DOCK2: variants seen among roughly 807,000 people sequenced by gnomAD.
DOCK2 encodes the protein dedicator of cytokinesis protein 2.
A neutral mutation model predicts 248.9 loss-of-function variants in DOCK2; 87 were observed. That is an observed-to-expected ratio of 0.35 (90% CI 0.29 to 0.42). The LOEUF (loss-of-function observed/expected upper bound fraction) is 0.42. Among genes scored for constraint, DOCK2 ranks in the 10% least tolerant of loss-of-function variants. The pLI, the probability that DOCK2 is intolerant of heterozygous loss-of-function variation, is 1.00. For synonymous variants in DOCK2, 805 were observed against 821.6 expected, an observed-to-expected ratio of 0.98 and a Z score of 0.35; for missense variants, 1,747 against 2,300.2, an observed-to-expected ratio of 0.76 and a Z score of 4.92.
intron 7 of DOCK2, 48 bp downstream of exon 7, chr5:169,681,927 A>G (rs1759691313): frequency 1.9e-6 from 3 of 1,600,490 alleles, no homozygotes; most frequent in Non-Finnish European, 2.6e-6. Context: ...ATCATTTAGC[A>G]CATCATAAAC....
intron 27 of DOCK2, among the ~76,000 whole-genome samples, chr5:169,980,905 A>T (rs77234896): frequency 0.014 from 2,057 of 152,172 alleles, 44 homozygotes; most frequent in African/African-American, 0.045. Context: ...ATCATCAGCC[A>T]TTGTCCCTGA....
At chr5:170,019,260 A>G in intron 33 of DOCK2, 152 bp downstream of exon 33, 1 of 1,235,584 alleles carries the variant, frequency 8.1e-7, no homozygotes, top group South Asian at 1.5e-5. Flanking sequence ...GAGCTGGCAG[A>G]TCAGATTTGG....
At chr5:169,647,305 G>A (rs903230105) in intron 1 of DOCK2, among the ~76,000 whole-genome samples, 3 of 152,128 alleles carry the variant, frequency 2.0e-5, no homozygotes, top group African/African-American at 7.2e-5. Context: ...TTAGATGGAT[G>A]GGTGGGTAGA....
At chr5:169,917,757 A>T (rs1450873726) in intron 27 of DOCK2, among the ~76,000 whole-genome samples, 1 of 152,202 alleles carries the variant, frequency 6.6e-6, no homozygotes, top group Non-Finnish European at 1.5e-5. Flanking sequence ...ACACTCAGAA[A>T]GGGATTTTTT....
chr5:169,802,363 C>T (rs895757439), intron 25 of DOCK2, among the ~76,000 whole-genome samples: 10 of 152,072 alleles, frequency 6.6e-5, no homozygotes, highest in Non-Finnish European at 1.0e-4. Flanking sequence ...GTTTTCGCCA[C>T]GTTGGCCATG....
chr5:169,954,483 A>G (rs2113732066), intron 27 of DOCK2, among the ~76,000 whole-genome samples: 2 of 152,376 alleles, frequency 1.3e-5, no homozygotes, highest in East Asian at 3.9e-4. Flanking sequence ...GAAGGCAGTC[A>G]GGCAGGGACC....
At chr5:169,928,397 C>T (rs367890895) in intron 27 of DOCK2, among the ~76,000 whole-genome samples, 36 of 152,366 alleles carry the variant, frequency 2.4e-4, no homozygotes, top group African/African-American at 8.4e-4. Flanking sequence ...CACTGCTCTG[C>T]CCCAGAATGC....
intron 1 of DOCK2, 86 bp from the exon 2 acceptor site, chr5:169,654,317 T>C (rs1303910776): frequency 6.7e-7 from 1 of 1,489,678 alleles, no homozygotes; most frequent in Non-Finnish European, 9.3e-7. Context: ...GGGCATGGGA[T>C]GGACTTGAGG....
intron 25 of DOCK2, among the ~76,000 whole-genome samples, chr5:169,784,463 C>A (rs1259504007): frequency 6.6e-6 from 1 of 152,138 alleles, no homozygotes; most frequent in Non-Finnish European, 1.5e-5. Flanking sequence ...AGTTAGGAAT[C>A]CAGATTTTAG....
At chr5:170,053,083 GCC>G (rs1756974847) in intron 41 of DOCK2, among the ~76,000 whole-genome samples, 1 of 152,220 alleles carries the variant, frequency 6.6e-6, no homozygotes, top group South Asian at 2.1e-4. Context: ...GTCTGCAGTT[GCC>G]CAGCCCTCTG....
chr5:169,656,522 A>G, intron 2 of DOCK2, among the ~76,000 whole-genome samples: 1 of 152,102 alleles, frequency 6.6e-6, no homozygotes, highest in African/African-American at 2.4e-5. Context: ...CATGTTGGCC[A>G]GGCTGGTCTC....
rs191287977 is a variant in DOCK2 at position 170,031,441 on chromosome 5, G to A, written c.3468-2958G>A. Among the ~76,000 whole-genome samples the A allele has an allele frequency of 1.9e-3, 283 of 152,296 alleles. 9 individuals carry two copies. The South Asian group carries it at 0.052, about 28-fold the overall frequency. On this transcript the variant is annotated intron_variant, in intron 34 of 51. Transcript: ENST00000520908. The stretch of plus-strand genomic sequence containing the variant: ...CTCCCACAACAGGAGCAGAAGCAGT[G>A]TGGCAAGTGTCCACCACCCTTCATT...
At chr5:169,734,737 T>G (rs923474354) in intron 22 of DOCK2, among the ~76,000 whole-genome samples, 1 of 152,226 alleles carries the variant, frequency 6.6e-6, no homozygotes. Context: ...TTTCCTTTTG[T>G]GCAATAGGTT....
Position 170,055,293 on chromosome 5 carries a change from C to T in DOCK2, c.4214-12C>T. ...GCCAACAGATATAAGTCCTTAACTA[C>T]AGGGATTCCAGATATCCAGTGCTTC... On this transcript the variant is annotated splice_polypyrimidine_tract_variant and intron_variant, in intron 41 of 51. Transcript: ENST00000520908. The T allele has an allele frequency of 6.2e-7, 1 of 1,613,754 alleles. No homozygotes were observed. The highest frequency in any genetic ancestry group is 8.5e-7 in the Non-Finnish European group (1 of 1,179,640).
intron 33 of DOCK2, among the ~76,000 whole-genome samples, chr5:170,024,357 CTT>C (rs35718164): frequency 3.0e-5 from 3 of 100,740 alleles, no homozygotes; most frequent in Admixed American, 1.1e-4. Flanking sequence ...TTGGGAGAGC[CTT>C]TTTTTTTTTT....
intron 27 of DOCK2, among the ~76,000 whole-genome samples, chr5:169,964,547 G>A (rs979114810): frequency 7.2e-5 from 11 of 152,350 alleles, no homozygotes; most frequent in Admixed American, 3.3e-4. Context: ...CAGCATCTCC[G>A]CCTGGAGGGC....
chr5:169,745,536 A>T (rs1162412231), intron 22 of DOCK2, among the ~76,000 whole-genome samples: 1 of 152,164 alleles, frequency 6.6e-6, no homozygotes, highest in Non-Finnish European at 1.5e-5. Context: ...AGAGCAAAGC[A>T]GTGTGCAAAG....
At chr5:169,798,714 G>A (rs932668863) in intron 25 of DOCK2, among the ~76,000 whole-genome samples, 2 of 152,102 alleles carry the variant, frequency 1.3e-5, no homozygotes, top group Non-Finnish European at 1.5e-5. Context: ...TTAACCCTTG[G>A]TCATTCCTTT....
In DOCK2 at chr5:169,998,389, T is replaced by C. The variant is rs138000136; in HGVS notation, c.3072+2225T>C. Among the ~76,000 whole-genome samples the C allele has an allele frequency of 3.3e-5, 5 of 152,304 alleles. No homozygotes were observed. In the East Asian group the frequency reaches 9.7e-4, roughly 29 times the overall value. ...AGTAGATGAGTATTTGCTGAGAGGA[T>C]GAACAGGATCTTTGAACAAGAGTCT... On this transcript the variant is annotated intron_variant, in intron 30 of 51. Coordinates refer to ENST00000520908, the MANE Select transcript of DOCK2 (RefSeq NM_004946.3).
Sources: gnomAD v4.1 joint callset for allele counts (sites outside exome capture counted in the v4.1 genomes callset) on GRCh38, gnomAD v4.1.1 for gene constraint, MANE v1.5 for transcripts, NCBI Gene and HGNC (gene_info 2026-07-23, HGNC 2026-07-21) for gene names.